The following GDPD2 variants were observed in gnomAD, a reference collection of about 807,000 sequenced individuals.
The protein encoded by GDPD2 is glycerophosphodiester phosphodiesterase domain containing 2.
A neutral mutation model predicts 49.2 loss-of-function variants in GDPD2; 23 were observed. That is an observed-to-expected ratio of 0.47 (90% CI 0.34 to 0.66). The LOEUF (loss-of-function observed/expected upper bound fraction) is 0.66, where lower values mean the gene tolerates loss of function less well. Ranked by LOEUF, GDPD2 falls within the 30% of genes least tolerant of loss-of-function variation. GDPD2 has a pLI of 0.01. For missense variants in GDPD2, 338 were observed against 424.7 expected (o/e 0.80, Z 1.79); for synonymous variants, 167 against 171.4 (o/e 0.97, Z 0.20).
chrX:70,429,001 C>T (rs2086450782), intron 10 of GDPD2, among the ~76,000 whole-genome samples: 1 of 111,887 alleles, frequency 8.9e-6, no homozygotes, highest in Non-Finnish European at 1.9e-5. Flanking sequence ...GACTGCAGTG[C>T]CAACAGCCCA....
rs1416077000 is a variant in GDPD2 at position 70,426,746 on chromosome X, C to T, written c.556+5C>T. The T allele has an allele frequency of 8.4e-7, 1 of 1,190,723 alleles. No individual in the cohort carries two copies. Among genetic ancestry groups the T allele is most frequent in the Admixed American group, 2.2e-5 (1 of 46,017 alleles). ...TCTACCGTATCCACCGAAGAGGTGCCAACGCTGCTGCCCCACTCACCCTTG... is the reference window on the plus strand; with the variant it reads ...TCTACCGTATCCACCGAAGAGGTGCTAACGCTGCTGCCCCACTCACCCTTG... On this transcript the variant is annotated splice_donor_5th_base_variant and intron_variant, in intron 7 of 15. Transcript: ENST00000374382.
intron 2 of GDPD2, 127 bp from the exon 3 acceptor site, chrX:70,425,227 G>A: frequency 1.5e-6 from 1 of 654,410 alleles, no homozygotes; most frequent in South Asian, 2.4e-5. Context: ...CCTCAAATAT[G>A]GAAAGAGCTG....
At chrX:70,431,036 C>T (rs1186649802) in intron 12 of GDPD2, 1 of 779,923 alleles carries the variant, frequency 1.3e-6, no homozygotes, top group East Asian at 3.5e-5. Context: ...AATCTTCCTG[C>T]CTCGGCCTCC....
chrX:70,430,952 A>AC (rs762085997), intron 12 of GDPD2: 1 of 258,774 alleles, frequency 3.9e-6, no homozygotes, highest in Admixed American at 6.4e-5. Flanking sequence ...ATGCAAGGCT[A>AC]TTTTTTTTTT....
At chrX:70,427,056 G>A (rs771056843) in intron 8 of GDPD2, 45 bp downstream of exon 8, 17 of 1,193,863 alleles carry the variant, frequency 1.4e-5, no homozygotes, top group Admixed American at 8.7e-5. Context: ...GGGTCTGCTC[G>A]TTTGCACCAT....
chrX:70,425,133 A>G (rs1477125085), intron 2 of GDPD2, 44 bp downstream of exon 2: 1 of 962,763 alleles, frequency 1.0e-6, no homozygotes, highest in African/African-American at 1.9e-5. Context: ...CAGAAGGCAG[A>G]GGCTCACTGG....
Position 70,433,060 on chromosome X carries a change from AG to A in GDPD2, c.1596del (p.Ile533SerfsTer5). The A allele has an allele frequency of 8.3e-7, 1 of 1,204,422 alleles. No individual in the cohort carries two copies. The highest frequency in any genetic ancestry group is 1.7e-5 in the African/African-American group (1 of 57,575). Reference sequence around the variant, plus strand: ...CTTAGAAACAGCAGTGCTGCTGACAAGGATCAACAATTTCATGATGGAGTGA... The same window carrying A: ...CTTAGAAACAGCAGTGCTGCTGACAAGATCAACAATTTCATGATGGAGTGA... Reference protein sequence around the residue: ...TGLETAVLLTRINNFMME With the variant: ...TGLETAVLLTXINNFMME On this transcript the variant is annotated frameshift_variant, in exon 16 of 16. Transcript: ENST00000374382. LOFTEE classifies it high-confidence loss of function.
In GDPD2 at chrX:70,423,930, A is replaced by G. The variant is rs756578506; in HGVS notation, c.-10+548A>G. On this transcript the variant is annotated intron_variant, in intron 1 of 15. Transcript: ENST00000374382. ...ATGCTCACACACTTTGGGTGTATCCAGGGGCTCCTTTACATACTCAAAGTC... is the reference window on the plus strand; with the variant it reads ...ATGCTCACACACTTTGGGTGTATCCGGGGGCTCCTTTACATACTCAAAGTC... Among the ~76,000 whole-genome samples, 21 of 111,638 alleles carry G rather than the reference A, an allele frequency of 1.9e-4. No individual in the cohort carries two copies. The East Asian group carries it at 3.1e-3, about 17-fold the overall frequency.
Position 70,433,276 on chromosome X carries a change from C to T in GDPD2, c.*190C>T. 2.3e-6 allele frequency: 1 copy of T among 437,196 alleles called. No homozygotes were observed. 36.0% of individuals were successfully genotyped at this position (437,196 alleles called of 1,213,427 possible). ...ATTCCCTAAGCTGCTATGGAATCTG[C>T]TCCCTTTGGGGTTTTGACCTGAGAT... On this transcript the variant is annotated 3_prime_UTR_variant, in exon 16 of 16. Coordinates refer to ENST00000374382, the MANE Select transcript of GDPD2 (RefSeq NM_017711.4).
Position 70,427,383 on chromosome X carries a change from C to T in GDPD2, c.856C>T (p.Pro286Ser), listed in dbSNP as rs752350366. Residue 286 changes from proline to serine, a missense_variant, in exon 10 of 16, where the codon CCA becomes TCA. Pro to Ser is a moderately conservative substitution (Grantham distance 74, BLOSUM62 -1). Coordinates refer to ENST00000374382, the MANE Select transcript of GDPD2 (RefSeq NM_017711.4). ...SRTTNVASVF[P>S]TRITAHSSDF... Reference sequence around the variant, plus strand: ...GACCACGAATGTAGCCTCTGTATTCCCAACCCGAATCACAGCCCACAGCAG... The same window carrying T: ...GACCACGAATGTAGCCTCTGTATTCTCAACCCGAATCACAGCCCACAGCAG... The T allele has an allele frequency of 1.7e-6, 2 of 1,207,806 alleles. No homozygotes were observed. The highest frequency in any genetic ancestry group is 1.8e-5 in the South Asian group (1 of 56,846).
chrX:70,426,489 T>C lies in GDPD2; in HGVS notation c.462+20T>C, dbSNP rs1282251180. On this transcript the variant is annotated intron_variant, in intron 6 of 15. Transcript: ENST00000374382. ...CTGCAGGTGAGTGGCCAACCTCCAG[T>C]GTCTAGACGGGAGCCTTGGCTTGCA... The C allele has an allele frequency of 1.7e-6, 2 of 1,173,689 alleles. No homozygotes were observed. The highest frequency in any genetic ancestry group is 1.8e-5 in the South Asian group (1 of 55,720).
intron 12 of GDPD2, chrX:70,431,002 G>A: frequency 2.0e-6 from 1 of 502,600 alleles, no homozygotes; most frequent in Non-Finnish European, 3.4e-6. Flanking sequence ...TGCCCAGGCT[G>A]GTCTCAAACT....
At chrX:70,428,948 C>T (rs1460778162) in intron 10 of GDPD2, among the ~76,000 whole-genome samples, 1 of 111,863 alleles carries the variant, frequency 8.9e-6, no homozygotes, top group Non-Finnish European at 1.9e-5. Context: ...AAATCAAGAG[C>T]AAGTAAAAGG....
chrX:70,429,741 C>G, intron 11 of GDPD2, 27 bp downstream of exon 11: 1 of 1,114,139 alleles, frequency 9.0e-7, no homozygotes, highest in East Asian at 3.0e-5. Flanking sequence ...CCCCTCTCCC[C>G]ACCCTGCCTT....
intron 12 of GDPD2, chrX:70,431,024 G>A: frequency 1.6e-6 from 1 of 643,545 alleles, no homozygotes; most frequent in Non-Finnish European, 2.4e-6. Flanking sequence ...CTGGCCTCAA[G>A]CAATCTTCCT....
At position 70,425,083 on chromosome X, in the gene GDPD2, C is replaced by G; in HGVS notation, c.99C>G (p.Thr33=). The G allele has an allele frequency of 8.5e-7, 1 of 1,177,149 alleles. No homozygotes were observed. Among genetic ancestry groups the G allele is most frequent in the South Asian group, 1.8e-5 (1 of 54,191 alleles). ...WRKCPRERMQ[T]SKCDCIWFGL... is the part of the protein sequence containing the mutation. ...AATGCCCCAGAGAGAGGATGCAAAC[C>G]AGCAAGGTGGAGTAGGGATGGAGGG... The change falls in exon 2 of 16, where the codon ACC becomes ACG. Residue 33 remains threonine, a synonymous_variant. Coordinates refer to ENST00000374382, the MANE Select transcript of GDPD2 (RefSeq NM_017711.4).
chrX:70,425,226 T>C, intron 2 of GDPD2, 128 bp from the exon 3 acceptor site: 1 of 649,745 alleles, frequency 1.5e-6, no homozygotes, highest in African/African-American at 2.1e-5. Flanking sequence ...CCCTCAAATA[T>C]GGAAAGAGCT....
At chrX:70,424,938 T>C (rs2086406455) in intron 1 of GDPD2, 38 bp from the exon 2 acceptor site, 1 of 919,532 alleles carries the variant, frequency 1.1e-6, no homozygotes. Context: ...ATCTGCCCTC[T>C]GCCAGGGTCC....
chrX:70,426,383 C>T lies in GDPD2; in HGVS notation c.376C>T (p.Leu126Phe). The stretch of plus-strand genomic sequence containing the variant: ...CCTGGCCCCCCAGGTGCTGCTGCTC[C>T]TCATTATGCTGCTTGTGGCGGCTGG... ...LHSLHKVLLL[L>F]IMLLVAAGLV... The change falls in exon 6 of 16, where the codon CTC (leucine) becomes TTC (phenylalanine). Residue 126 changes from leucine to phenylalanine, a missense_variant. Physicochemically the swap from Leu to Phe is conservative, Grantham distance 22. This residue lies in a region of GDPD2 where 253 missense variants were observed against 330.4 expected (regional missense o/e 0.77). Transcript: ENST00000374382. 8.3e-7 allele frequency: 1 copy of T among 1,211,564 alleles called. No individual in the cohort carries two copies. Among genetic ancestry groups the T allele is most frequent in the Non-Finnish European group, 1.1e-6 (1 of 895,146 alleles).
Sources: gnomAD v4.1 joint callset for allele counts (sites outside exome capture counted in the v4.1 genomes callset) on GRCh38, gnomAD v4.1.1 for gene constraint, gnomAD v4.1.1 regional missense constraint, MANE v1.5 for transcripts, NCBI Gene and HGNC (gene_info 2026-07-23, HGNC 2026-07-21) for gene names.